Variants in PADI1 observed in about 807,000 individuals in gnomAD.
The protein encoded by PADI1 is protein-arginine deiminase type-1.
PADI1 carries 65 observed loss-of-function variants against 74.8 expected under a neutral mutation model. The ratio of observed to expected loss-of-function variants is 0.87; its 90% confidence interval spans 0.71 to 1.07. The LOEUF is 1.07. Ranked by LOEUF, PADI1 falls within the 50% of genes least tolerant of loss-of-function variation. The pLI, the probability that PADI1 is intolerant of heterozygous loss-of-function variation, is 0.00. For synonymous variants in PADI1, 371 were observed against 336.2 expected, an observed-to-expected ratio of 1.10 and a Z score of -1.13; for missense variants, 943 against 854.0, an observed-to-expected ratio of 1.10 and a Z score of -1.30.
At chr1:17,215,436 A>C (rs1472604148) in intron 1 of PADI1, among the ~76,000 whole-genome samples, 1 of 151,978 alleles carries the variant, frequency 6.6e-6, no homozygotes, top group Non-Finnish European at 1.5e-5. Context: ...CAAGACTCCA[A>C]ATAGGGGGCT....
At chr1:17,222,626 G>A (rs890827943) in intron 2 of PADI1, among the ~76,000 whole-genome samples, 156 bp downstream of exon 2, 1 of 152,076 alleles carries the variant, frequency 6.6e-6, no homozygotes, top group Non-Finnish European at 1.5e-5. Flanking sequence ...CTGATACAAT[G>A]CCACTGACGC....
intron 4 of PADI1, 102 bp from the exon 5 acceptor site, chr1:17,225,709 A>G (rs1398300133): frequency 2.4e-5 from 19 of 780,158 alleles, no homozygotes; most frequent in Non-Finnish European, 4.1e-5. Flanking sequence ...AAAAATATGA[A>G]AATCTATAAT....
At chr1:17,220,290 GT>G (rs2072102873) in intron 1 of PADI1, among the ~76,000 whole-genome samples, 1 of 152,138 alleles carries the variant, frequency 6.6e-6, no homozygotes, top group Admixed American at 6.5e-5. Context: ...AATTAGGACT[GT>G]TGTCACCGCA....
intron 15 of PADI1, among the ~76,000 whole-genome samples, chr1:17,241,945 G>A (rs1205048307): frequency 2.0e-5 from 3 of 151,628 alleles, no homozygotes; most frequent in African/African-American, 7.3e-5. Flanking sequence ...TGTCGGAATC[G>A]GCATGGAATC....
At chr1:17,243,391 GCCAGATCCAAGTCCAAATGTCAGTCT>G (rs1299808319) in intron 15 of PADI1, among the ~76,000 whole-genome samples, 3 of 152,370 alleles carry the variant, frequency 2.0e-5, no homozygotes, top group African/African-American at 7.2e-5. Flanking sequence ...TTTGGCACCA[GCCAGATCCAAGTCCAAATGTCAGTCT>G]CATCATTCTC....
rs566329267 is a variant in PADI1, at chr1:17,244,370, C to T, written c.*127C>T. On this transcript the variant is annotated 3_prime_UTR_variant, in exon 16 of 16. Transcript: ENST00000375471. ...TGGCACTTTGCAAACATCCTGGCCA[C>T]CATGGGCACCAGGACACAGGGATGG... 6.6e-5 allele frequency: 49 copies of T among 745,344 alleles called. 1 individual carries two copies. Among genetic ancestry groups the T allele is most frequent in the South Asian group, 5.9e-4 (40 of 68,334 alleles). 46.2% of individuals were successfully genotyped at this position (745,344 alleles called of 1,614,324 possible). A position where few individuals can be genotyped will look rare whatever the true frequency, so the allele number is the denominator to read the frequency against.
intron 15 of PADI1, among the ~76,000 whole-genome samples, chr1:17,242,976 G>A (rs1295477090): frequency 1.3e-5 from 2 of 152,168 alleles, no homozygotes; most frequent in Non-Finnish European, 2.9e-5. Context: ...GACCTCACGG[G>A]ACCCTCCAGC....
chr1:17,206,265 G>A (rs1465993468), intron 1 of PADI1, among the ~76,000 whole-genome samples: 3 of 152,208 alleles, frequency 2.0e-5, no homozygotes, highest in Non-Finnish European at 4.4e-5. Context: ...CTCAGCCCCT[G>A]TACCTGCTGG....
In PADI1 at chr1:17,229,382, G is replaced by A. The variant is rs367782229; in HGVS notation, c.929+331G>A. Among the ~76,000 whole-genome samples, 5 of 152,208 alleles carry A rather than the reference G, an allele frequency of 3.3e-5. No individual in the cohort carries two copies. The East Asian group carries it at 7.7e-4, about 23-fold the overall frequency. On this transcript the variant is annotated intron_variant, in intron 8 of 15. Transcript: ENST00000375471. Reference sequence around the variant, plus strand: ...CCTGCACAGGCTGCTGGTGGCCATCGGAGACCTACCCTCACTGTAACATGG... The same window carrying A: ...CCTGCACAGGCTGCTGGTGGCCATCAGAGACCTACCCTCACTGTAACATGG...
chr1:17,211,523 G>A (rs189365209), intron 1 of PADI1, among the ~76,000 whole-genome samples: 4 of 152,314 alleles, frequency 2.6e-5, no homozygotes, highest in South Asian at 2.1e-4. Flanking sequence ...CCTGTGAGAT[G>A]GGGACTACTA....
intron 1 of PADI1, among the ~76,000 whole-genome samples, chr1:17,220,698 C>T (rs1406406643): frequency 6.6e-6 from 1 of 152,192 alleles, no homozygotes; most frequent in Non-Finnish European, 1.5e-5. Flanking sequence ...AAAGGAAGAA[C>T]AAGCACCAAT....
At chr1:17,220,533 G>T (rs563216569) in intron 1 of PADI1, among the ~76,000 whole-genome samples, 2 of 152,272 alleles carry the variant, frequency 1.3e-5, no homozygotes, top group East Asian at 3.9e-4. Flanking sequence ...CACTGTTACA[G>T]GTGTTGGGGA....
chr1:17,228,632 T>A lies in PADI1; in HGVS notation c.660T>A (p.Asn220Lys). 6.2e-7 allele frequency: 1 copy of A among 1,614,174 alleles called. No individual in the cohort carries two copies. Among genetic ancestry groups the A allele is most frequent in the South Asian group, 1.1e-5 (1 of 91,088 alleles). ...RVRVFCARGG[N>K]SLSDYKQVLG... is the part of the protein sequence containing the mutation. ...GACTCTTGTTCTTCCTAGGTGGGAA[T>A]TCTCTCTCGGACTACAAACAGGTGC... The change falls in exon 7 of 16, where the codon AAT becomes AAA. Residue 220 changes from asparagine to lysine, a missense_variant. Coordinates refer to ENST00000375471, the MANE Select transcript of PADI1 (RefSeq NM_013358.3).
In PADI1 at chr1:17,240,683, G is replaced by T; in HGVS notation, c.1681G>T (p.Ala561Ser). 1.2e-6 allele frequency: 2 copies of T among 1,614,182 alleles called. No homozygotes were observed. Among genetic ancestry groups the T allele is most frequent in the South Asian group, 1.1e-5 (1 of 91,084 alleles). Residue 561 changes from alanine (A) to serine (S), a missense_variant, in exon 15 of 16, where the codon GCA becomes TCA. By Grantham distance (99) the Ala-to-Ser change is moderately conservative (BLOSUM62 1). Coordinates refer to ENST00000375471, the MANE Select transcript of PADI1 (RefSeq NM_013358.3). The part of the protein sequence containing the change: ...RNVLKRELGL[A>S]ESDIVDIPQL... The stretch of plus-strand genomic sequence containing the variant: ...TGTGCTGAAGCGGGAGCTGGGCCTG[G>T]CAGAGAGTGACATCGTGGACATTCC...
rs2072464442 is a variant in PADI1, at chr1:17,230,636, C to G, written c.1118C>G (p.Pro373Arg). ...TCCTTCCCCGTGGTCTTTGACTCCC[C>G]CAGGAACAGGGGCCTGAAAGATTTC... is the stretch of plus-strand genomic sequence containing the variant. ...HKSFPVVFDS[P>R]RNRGLKDFPY... Residue 373 changes from proline (P) to arginine (R), a missense_variant, in exon 10 of 16, where the codon CCC (proline) becomes CGC (arginine). Physicochemically the swap from Pro to Arg is moderately radical, Grantham distance 103. Coordinates refer to ENST00000375471, the MANE Select transcript of PADI1 (RefSeq NM_013358.3). The G allele has an allele frequency of 1.9e-6, 3 of 1,612,726 alleles. No individual in the cohort carries two copies. The South Asian group carries it at 3.3e-5, about 18-fold the overall frequency.
Position 17,238,109 on chromosome 1 carries a change from C to T in PADI1, c.1459-507C>T, listed in dbSNP as rs571195958. Among the ~76,000 whole-genome samples the T allele has an allele frequency of 3.9e-5, 6 of 152,300 alleles. No individual in the cohort carries two copies. In the South Asian group the frequency reaches 8.3e-4, roughly 21 times the overall value. ...TGTTGCCCAGGCTGGAGTGCAATAG[C>T]GCGATCTTGGCTCACTACAACCTTC... On this transcript the variant is annotated intron_variant, in intron 12 of 15. Transcript: ENST00000375471.
In PADI1 at chr1:17,244,680, G is replaced by C; in HGVS notation, c.*437G>C. ...GTGTGCCAGGCACCAGGCTGCCTCT[G>C]CTCTTGGAAAACTAGGAAAGGGGAT... On this transcript the variant is annotated 3_prime_UTR_variant, in exon 16 of 16. Coordinates refer to ENST00000375471, the MANE Select transcript of PADI1 (RefSeq NM_013358.3). The C allele has an allele frequency of 2.8e-6, 1 of 352,004 alleles. No homozygotes were observed. Among genetic ancestry groups the C allele is most frequent in the Admixed American group, 3.8e-5 (1 of 26,188 alleles). The allele number at this position is 352,004 out of a possible 1,614,324, so 21.8% of individuals were successfully genotyped here. A position where few individuals can be genotyped will look rare whatever the true frequency, so the allele number is the denominator to read the frequency against.
intron 15 of PADI1, among the ~76,000 whole-genome samples, chr1:17,242,033 A>T (rs903589347): frequency 4.6e-5 from 7 of 152,224 alleles, no homozygotes; most frequent in Non-Finnish European, 7.3e-5. Context: ...CTGACTCCTC[A>T]TGGGGAGATT....
chr1:17,214,717 G>T (rs1479796509), intron 1 of PADI1, among the ~76,000 whole-genome samples: 1 of 152,164 alleles, frequency 6.6e-6, no homozygotes, highest in African/African-American at 2.4e-5. Flanking sequence ...CTCCCCACAA[G>T]CTCCCACTCC....
Sources: gnomAD v4.1 joint callset for allele counts (sites outside exome capture counted in the v4.1 genomes callset) on GRCh38, gnomAD v4.1.1 for gene constraint, MANE v1.5 for transcripts, NCBI Gene and HGNC (gene_info 2026-07-23, HGNC 2026-07-21) for gene names.